STK32A: variants seen among roughly 807,000 people sequenced by gnomAD.
STK32A encodes serine/threonine-protein kinase 32A.
STK32A carries 41 observed loss-of-function variants against 53.2 expected under a neutral mutation model. That is an observed-to-expected ratio of 0.77 (90% CI 0.60 to 1.00). The LOEUF (loss-of-function observed/expected upper bound fraction) is 1.00, where lower values mean the gene tolerates loss of function less well. Among genes scored for constraint, STK32A ranks in the 50% least tolerant of loss-of-function variants. The probability of loss-of-function intolerance (pLI) is 0.00; values close to 1 mark genes in which losing one functional copy is unlikely to be tolerated. For missense variants in STK32A, 458 were observed against 485.8 expected, an observed-to-expected ratio of 0.94 and a Z score of 0.54; for synonymous variants, 166 against 162.8, an observed-to-expected ratio of 1.02 and a Z score of -0.15.
intron 4 of STK32A, among the ~76,000 whole-genome samples, chr5:147,293,186 A>C (rs1029646535): frequency 6.6e-6 from 1 of 152,144 alleles, no homozygotes; most frequent in Admixed American, 6.6e-5. Flanking sequence ...GTCTTAGTTA[A>C]AGACACAATT....
At chr5:147,290,083 T>A (rs1409607476) in intron 4 of STK32A, among the ~76,000 whole-genome samples, 2 of 152,214 alleles carry the variant, frequency 1.3e-5, no homozygotes, top group African/African-American at 2.4e-5. Flanking sequence ...AATCTGGCAA[T>A]CTTAACTGTA....
At chr5:147,260,046 T>C (rs192342874) in intron 2 of STK32A, among the ~76,000 whole-genome samples, 107 of 146,056 alleles carry the variant, frequency 7.3e-4, no homozygotes, top group African/African-American at 2.5e-3. Context: ...CTCTCCTGTC[T>C]CTCCTCTCTC....
At chr5:147,370,071 A>AT (rs1172778634) in intron 8 of STK32A, among the ~76,000 whole-genome samples, 1 of 151,904 alleles carries the variant, frequency 6.6e-6, no homozygotes, top group Admixed American at 6.6e-5. Context: ...TTCCCCCAAA[A>AT]TTTTTTTTAA....
intron 6 of STK32A, among the ~76,000 whole-genome samples, chr5:147,348,351 A>C (rs1182507205): frequency 6.6e-6 from 1 of 152,232 alleles, no homozygotes; most frequent in African/African-American, 2.4e-5. Flanking sequence ...CTCTTTTAAA[A>C]ATGTAATCTC....
intron 11 of STK32A, among the ~76,000 whole-genome samples, chr5:147,377,084 AG>A (rs1479712007): frequency 4.6e-5 from 7 of 152,184 alleles, no homozygotes; most frequent in African/African-American, 1.7e-4. Context: ...ATAGCTATAA[AG>A]TTCCTTCTGA....
At chr5:147,354,041 A>G (rs998587288) in intron 7 of STK32A, among the ~76,000 whole-genome samples, 7 of 151,830 alleles carry the variant, frequency 4.6e-5, no homozygotes, top group African/African-American at 1.7e-4. Flanking sequence ...AGAACCCCCT[A>G]CATGCAGAGC....
chr5:147,359,590 G>A (rs974930011), intron 7 of STK32A, among the ~76,000 whole-genome samples: 1 of 152,090 alleles, frequency 6.6e-6, no homozygotes, highest in Non-Finnish European at 1.5e-5. Context: ...TAGCTTCTCT[G>A]AGTGACGTGT....
At position 147,317,773 on chromosome 5, in the gene STK32A, A is replaced by C. The variant is rs945173920; in HGVS notation, c.261-6125A>C. 3.3e-5 allele frequency among the ~76,000 whole-genome samples: 5 copies of C among 152,350 alleles called. No individual in the cohort carries two copies. The East Asian group carries it at 9.6e-4, about 29-fold the overall frequency. ...CAACTCTAGCATGCAAACATTTGATAAAAATTTCTTTATTTAAAAAGAAAA... is the reference window on the plus strand; with the variant it reads ...CAACTCTAGCATGCAAACATTTGATCAAAATTTCTTTATTTAAAAAGAAAA... On this transcript the variant is annotated intron_variant, in intron 4 of 12. Transcript: ENST00000397936.
intron 4 of STK32A, among the ~76,000 whole-genome samples, chr5:147,288,633 G>A (rs1288933919): frequency 6.6e-6 from 1 of 152,026 alleles, no homozygotes; most frequent in Non-Finnish European, 1.5e-5. Context: ...CAAGAGAGAG[G>A]AGGAGAGAGT....
intron 5 of STK32A, among the ~76,000 whole-genome samples, chr5:147,341,257 G>A (rs1465989272): frequency 6.6e-6 from 1 of 152,160 alleles, no homozygotes; most frequent in South Asian, 2.1e-4. Flanking sequence ...GGTGGAAAGA[G>A]CCCGACACCT....
intron 2 of STK32A, among the ~76,000 whole-genome samples, chr5:147,240,354 G>A (rs1753518240): frequency 1.3e-5 from 2 of 152,100 alleles, no homozygotes; most frequent in South Asian, 4.2e-4. Flanking sequence ...TTTATAGGTT[G>A]TCTGGGGGAA....
intron 2 of STK32A, among the ~76,000 whole-genome samples, chr5:147,275,887 T>G (rs909507083): frequency 6.6e-6 from 1 of 152,118 alleles, no homozygotes; most frequent in Admixed American, 6.6e-5. Context: ...TTCAGTAAGG[T>G]TAAAATGGTA....
the STK32A span, among the ~76,000 whole-genome samples, chr5:147,394,694 G>A: frequency 6.7e-6 from 1 of 149,760 alleles, no homozygotes; most frequent in Non-Finnish European, 1.5e-5. Flanking sequence ...AAAAAAAAAA[G>A]GCAAAAACTT....
chr5:147,300,855 A>T (rs1376513051), intron 4 of STK32A, among the ~76,000 whole-genome samples: 1 of 152,210 alleles, frequency 6.6e-6, no homozygotes, highest in Non-Finnish European at 1.5e-5. Context: ...AATGACAGTG[A>T]TAAGAATATG....
intron 2 of STK32A, among the ~76,000 whole-genome samples, chr5:147,258,440 T>C (rs888437393): frequency 1.8e-4 from 27 of 152,190 alleles, no homozygotes; most frequent in African/African-American, 4.8e-4. Flanking sequence ...TTATACACCT[T>C]GCACATAAAC....
intron 2 of STK32A, among the ~76,000 whole-genome samples, chr5:147,240,794 G>A (rs1180001719): frequency 2.6e-5 from 4 of 152,214 alleles, no homozygotes; most frequent in Non-Finnish European, 4.4e-5. Context: ...TCCAGGTGAT[G>A]TGTGGTTCCA....
At chr5:147,255,858 C>A (rs565598884) in intron 2 of STK32A, among the ~76,000 whole-genome samples, 1 of 152,140 alleles carries the variant, frequency 6.6e-6, no homozygotes, top group Non-Finnish European at 1.5e-5. Context: ...TTAAATCCTG[C>A]GGCTATTTGA....
intron 2 of STK32A, among the ~76,000 whole-genome samples, chr5:147,242,695 G>A (rs554490482): frequency 4.6e-5 from 7 of 152,162 alleles, no homozygotes; most frequent in South Asian, 2.1e-4. Context: ...ATATCTTAAC[G>A]TTCTCTCATG....
intron 2 of STK32A, among the ~76,000 whole-genome samples, chr5:147,269,285 A>G (rs892319638): frequency 6.6e-6 from 1 of 152,196 alleles, no homozygotes; most frequent in Non-Finnish European, 1.5e-5. Context: ...AAGGCAGGCA[A>G]CCTTGGGCTT....
Sources: allele counts gnomAD v4.1 joint callset (sites outside exome capture counted in the v4.1 genomes callset), GRCh38; gene constraint gnomAD v4.1.1; transcripts MANE v1.5; gene names NCBI Gene and HGNC (gene_info 2026-07-23, HGNC 2026-07-21).